The following OPN5 variants were observed in gnomAD, a reference collection of about 807,000 sequenced individuals.
OPN5 encodes the protein opsin-5.
OPN5 carries 18 observed loss-of-function variants against 41.7 expected under a neutral mutation model. The ratio of observed to expected loss-of-function variants is 0.43; its 90% CI spans 0.30 to 0.64. The LOEUF (loss-of-function observed/expected upper bound fraction) is 0.64. Ranked by LOEUF, OPN5 falls within the 30% of genes least tolerant of loss-of-function variation. The pLI is 0.13. For synonymous variants in OPN5, 178 were observed against 164.3 expected (o/e 1.08, Z -0.64); for missense variants, 318 against 434.5 (o/e 0.73, Z 2.38).
intron 4 of OPN5, among the ~76,000 whole-genome samples, chr6:47,804,887 T>C (rs1773903684): frequency 6.6e-6 from 1 of 152,184 alleles, no homozygotes; most frequent in Non-Finnish European, 1.5e-5. Flanking sequence ...TGTTCCCCAA[T>C]TGCACACTCC....
downstream of OPN5, chr6:47,825,610 C>T (rs1425362559): frequency 1.3e-5 from 2 of 152,200 alleles, no homozygotes; most frequent in African/African-American, 4.8e-5. Context: ...TTTGGTGATT[C>T]AAGTCTCTGT....
intron 5 of OPN5, among the ~76,000 whole-genome samples, chr6:47,810,812 T>C (rs899396404): frequency 6.6e-6 from 1 of 152,164 alleles, no homozygotes; most frequent in African/African-American, 2.4e-5. Context: ...TACACCTGGG[T>C]ATCCAGATGT....
At chr6:47,806,172 A>G (rs527569633) in intron 4 of OPN5, among the ~76,000 whole-genome samples, 1 of 152,178 alleles carries the variant, frequency 6.6e-6, no homozygotes, top group African/African-American at 2.4e-5. Context: ...AAACGAACAA[A>G]CAAACAACCC....
intron 6 of OPN5, among the ~76,000 whole-genome samples, chr6:47,813,068 AAACAAC>A (rs70999651): frequency 0.11 from 15,138 of 139,072 alleles, 806 homozygotes; most frequent in Middle Eastern, 0.18. Context: ...TCTATGATTA[AAACAAC>A]AACAACAACA....
chr6:47,818,178 A>G (rs1184794272), intron 6 of OPN5, among the ~76,000 whole-genome samples: 1 of 152,196 alleles, frequency 6.6e-6, no homozygotes, highest in Non-Finnish European at 1.5e-5. Flanking sequence ...AATGAATAAA[A>G]TGAACAAAAT....
exon 7 of OPN5, chr6:47,824,181 A>C: frequency 1.7e-6 from 1 of 601,108 alleles, no homozygotes. Context: ...ATCTTAACTG[A>C]GTTATCTCAT....
chr6:47,800,145 G>A lies in OPN5; in HGVS notation c.756+4582G>A, dbSNP rs534316610. Among the ~76,000 whole-genome samples, 15 of 152,258 alleles carry A rather than the reference G, an allele frequency of 9.9e-5. No homozygotes were observed. The South Asian group carries it at 3.1e-3, about 32-fold the overall frequency. On this transcript the variant is annotated intron_variant, in intron 4 of 6. Transcript: ENST00000371211. ...GGGAATGGTAGAGTCACTGCCTGAG[G>A]GGTCCTTCCTGCCTGCTGCACAAAG...
intron 2 of OPN5, chr6:47,787,085 A>C: frequency 1.0e-6 from 1 of 984,116 alleles, no homozygotes; most frequent in South Asian, 4.7e-5. Context: ...GGCAGTTGAG[A>C]GGTGAATGTA....
intron 3 of OPN5, among the ~76,000 whole-genome samples, chr6:47,794,337 T>C (rs1773476680): frequency 6.6e-6 from 1 of 152,232 alleles, no homozygotes; most frequent in Non-Finnish European, 1.5e-5. Flanking sequence ...AAGAGTCACT[T>C]TCCTGGCCCT....
intron 4 of OPN5, among the ~76,000 whole-genome samples, chr6:47,796,035 T>C (rs1469406107): frequency 1.3e-5 from 2 of 152,198 alleles, no homozygotes; most frequent in Non-Finnish European, 2.9e-5. Context: ...CATGTGTGCT[T>C]TCCCATGGGA....
At chr6:47,822,127 A>G (rs1762644982) in intron 6 of OPN5, among the ~76,000 whole-genome samples, 1 of 151,448 alleles carries the variant, frequency 6.6e-6, no homozygotes. Flanking sequence ...AAAAAAAAAA[A>G]ATGCAGGTGA....
intron 3 of OPN5, among the ~76,000 whole-genome samples, chr6:47,793,042 G>T (rs1344432978): frequency 6.9e-6 from 1 of 144,292 alleles, no homozygotes; most frequent in East Asian, 2.0e-4. Flanking sequence ...ACTTCCAATA[G>T]AAATAGCTTG....
Position 47,811,744 on chromosome 6 carries a change from A to T in OPN5, c.1056+13A>T, listed in dbSNP as rs1581753795. 1.3e-6 allele frequency: 2 copies of T among 1,586,116 alleles called. No homozygotes were observed. On this transcript the variant is annotated intron_variant, in intron 6 of 6. Transcript: ENST00000371211. ...AATTCATGAAGAGGTATGAAGATGG[A>T]TACAGCATCACTATGGACACTCGTA...
chr6:47,789,984 A>C (rs1172979873), intron 2 of OPN5, among the ~76,000 whole-genome samples: 1 of 151,760 alleles, frequency 6.6e-6, no homozygotes, highest in Non-Finnish European at 1.5e-5. Flanking sequence ...AATGCTTTCT[A>C]GAAAGTGAAA....
intron 4 of OPN5, among the ~76,000 whole-genome samples, chr6:47,799,304 TATGC>T (rs1341969399): frequency 1.3e-5 from 2 of 152,146 alleles, no homozygotes; most frequent in Admixed American, 1.3e-4. Flanking sequence ...AGCTCATTTC[TATGC>T]TTGCATTTGA....
chr6:47,824,069 T>C (rs1390572960), exon 7 of OPN5: 3 of 1,235,776 alleles, frequency 2.4e-6, no homozygotes, highest in African/African-American at 1.5e-5. Context: ...AGCTTACAAA[T>C]GTTATTTTTC....
chr6:47,790,694 T>C (rs1331784654), intron 2 of OPN5, among the ~76,000 whole-genome samples: 1 of 152,240 alleles, frequency 6.6e-6, no homozygotes, highest in Non-Finnish European at 1.5e-5. Flanking sequence ...AAAATGTGTT[T>C]GAAACTCACA....
At chr6:47,824,997 C>T (rs1386252185), downstream of OPN5, 2 of 151,998 alleles carry the variant, frequency 1.3e-5, no homozygotes, top group African/African-American at 4.8e-5. Flanking sequence ...TATGCCAGGC[C>T]AGGGGGAGAG....
At chr6:47,824,368 A>G (rs1762730106) in exon 7 of OPN5, 1 of 281,356 alleles carries the variant, frequency 3.6e-6, no homozygotes, top group African/African-American at 2.1e-5. Flanking sequence ...TGACTGGAGC[A>G]GCTACACTCC....
Sources: allele counts gnomAD v4.1 joint callset (sites outside exome capture counted in the v4.1 genomes callset), GRCh38; gene constraint gnomAD v4.1.1; transcripts MANE v1.5; gene names NCBI Gene and HGNC (gene_info 2026-07-23, HGNC 2026-07-21).